Variants in TBC1D4 observed in about 807,000 individuals in gnomAD.
TBC1D4 encodes TBC (Tre-2, BUB2, CDC16) domain-containing protein.
A neutral mutation model predicts 142.5 loss-of-function variants in TBC1D4; 121 were observed. The ratio of observed to expected loss-of-function variants is 0.85; its 90% confidence interval spans 0.73 to 0.99. The LOEUF is 0.99. Ranked by LOEUF, TBC1D4 falls within the 50% of genes least tolerant of loss-of-function variation. The pLI, the probability that TBC1D4 is intolerant of heterozygous loss-of-function variation, is 0.00. For missense variants in TBC1D4, 1,475 were observed against 1,606.6 expected, an observed-to-expected ratio of 0.92 and a Z score of 1.40; for synonymous variants, 630 against 628.2, an observed-to-expected ratio of 1.00 and a Z score of -0.04.
rs558975376 is a variant in TBC1D4 at position 75,472,821 on chromosome 13, C to T, written c.498+8449G>A. Among the ~76,000 whole-genome samples the T allele has an allele frequency of 1.5e-4, 23 of 152,252 alleles. No individual in the cohort carries two copies. In the East Asian group the frequency reaches 4.4e-3, roughly 29 times the overall value. On this transcript the variant is annotated intron_variant, in intron 1 of 20. Coordinates refer to ENST00000377636, the MANE Select transcript of TBC1D4 (RefSeq NM_014832.5). Reference sequence around the variant, plus strand: ...TCCTAAAGAACTTGCTACTGGAAATCTGGGAGCAATAATTACCTGGAGAAT... The same window carrying T: ...TCCTAAAGAACTTGCTACTGGAAATTTGGGAGCAATAATTACCTGGAGAAT...
At chr13:75,465,964 T>C (rs998580662) in intron 1 of TBC1D4, among the ~76,000 whole-genome samples, 1 of 152,214 alleles carries the variant, frequency 6.6e-6, no homozygotes, top group African/African-American at 2.4e-5. Flanking sequence ...CTACATGTCC[T>C]GTTTTTCCAG....
chr13:75,430,322 A>C (rs1219383165), intron 1 of TBC1D4, among the ~76,000 whole-genome samples: 1 of 152,234 alleles, frequency 6.6e-6, no homozygotes, highest in East Asian at 1.9e-4. Context: ...TTTACTCTGA[A>C]AAATGAGTCA....
chr13:75,389,799 G>A (rs976914170), intron 1 of TBC1D4, among the ~76,000 whole-genome samples: 2 of 152,128 alleles, frequency 1.3e-5, no homozygotes, highest in Non-Finnish European at 2.9e-5. Flanking sequence ...GCATCAACAC[G>A]ATTGTGCTAG....
chr13:75,478,115 C>T (rs1042574766), intron 1 of TBC1D4, among the ~76,000 whole-genome samples: 13 of 152,206 alleles, frequency 8.5e-5, no homozygotes, highest in African/African-American at 2.7e-4. Context: ...GTACAGCACT[C>T]CCAGCTCTAA....
At chr13:75,356,294 T>C (rs922650655) in intron 3 of TBC1D4, 43 bp from the exon 4 acceptor site, 1 of 1,360,540 alleles carries the variant, frequency 7.4e-7, no homozygotes, top group Non-Finnish European at 1.0e-6. Flanking sequence ...TATGGGAATA[T>C]ATATTTTTTA....
chr13:75,358,171 A>G (rs1026981114), intron 3 of TBC1D4, among the ~76,000 whole-genome samples: 2 of 152,126 alleles, frequency 1.3e-5, no homozygotes, highest in Non-Finnish European at 2.9e-5. Context: ...AAGGCCCACC[A>G]TGTGTAAAGT....
intron 1 of TBC1D4, 29 bp downstream of exon 1, chr13:75,481,241 G>C: frequency 8.5e-7 from 1 of 1,175,080 alleles, no homozygotes. Flanking sequence ...GGCCGAGCCC[G>C]CCCCCGCGCC....
chr13:75,376,833 T>C (rs1212020049), intron 1 of TBC1D4, among the ~76,000 whole-genome samples: 2 of 152,222 alleles, frequency 1.3e-5, no homozygotes, highest in African/African-American at 4.8e-5. Context: ...AATTAATCAA[T>C]AACTATAATA....
chr13:75,402,361 T>G (rs1046719168), intron 1 of TBC1D4, among the ~76,000 whole-genome samples: 1 of 152,208 alleles, frequency 6.6e-6, no homozygotes, highest in Admixed American at 6.5e-5. Flanking sequence ...TTCATTCTTC[T>G]ATGCCGCAAC....
At chr13:75,446,742 T>C (rs1329674054) in intron 1 of TBC1D4, among the ~76,000 whole-genome samples, 1 of 152,230 alleles carries the variant, frequency 6.6e-6, no homozygotes, top group Non-Finnish European at 1.5e-5. Flanking sequence ...AATATGGCTT[T>C]TTCTGTAATA....
chr13:75,380,170 C>T (rs181636301), intron 1 of TBC1D4, among the ~76,000 whole-genome samples: 16 of 151,398 alleles, frequency 1.1e-4, no homozygotes, highest in South Asian at 4.2e-4. Flanking sequence ...TGAGCCACCG[C>T]GCCTAGCCTC....
chr13:75,288,827 G>C, intron 20 of TBC1D4, 107 bp downstream of exon 20: 1 of 1,180,600 alleles, frequency 8.5e-7, no homozygotes, highest in Non-Finnish European at 1.3e-6. Flanking sequence ...ATGGGCTCTT[G>C]GTTAGCAATG....
chr13:75,307,143 G>A (rs1032013317), intron 14 of TBC1D4, among the ~76,000 whole-genome samples: 21 of 151,968 alleles, frequency 1.4e-4, no homozygotes, highest in African/African-American at 4.8e-4. Flanking sequence ...AAACTTTTTT[G>A]TAAAGATGGG....
chr13:75,362,348 G>T lies in TBC1D4; in HGVS notation c.758C>A (p.Ala253Asp). The T allele has an allele frequency of 1.9e-6, 3 of 1,614,162 alleles. No individual in the cohort carries two copies. Among genetic ancestry groups the T allele is most frequent in the Non-Finnish European group, 2.5e-6 (3 of 1,180,032 alleles). Residue 253 changes from alanine to aspartate, a missense_variant, in exon 2 of 21, where the codon GCT becomes GAT. Coordinates refer to ENST00000377636, the MANE Select transcript of TBC1D4 (RefSeq NM_014832.5). The surrounding 1 kb of genome is among the most constrained non-coding windows in gnomAD (Gnocchi z 4.2). ...QRGPDPGEDL[A>D]DLEVVVPGSP... ...CCCGGGCACCACCACCTCCAAGTCA[G>T]CCAGGTCCTCTCCTGGGTCCGGACC... is the stretch of plus-strand genomic sequence containing the variant.
At chr13:75,316,994 C>G (rs149663056) in intron 12 of TBC1D4, among the ~76,000 whole-genome samples, 1 of 152,142 alleles carries the variant, frequency 6.6e-6, no homozygotes, top group Non-Finnish European at 1.5e-5. Flanking sequence ...AAACATTTTA[C>G]GAGTATGAAT....
chr13:75,377,754 CTATCTATCTATCCATT>C (rs1311916624), intron 1 of TBC1D4, among the ~76,000 whole-genome samples: 1 of 150,132 alleles, frequency 6.7e-6, no homozygotes, highest in African/African-American at 2.4e-5. Context: ...GTGTGTGCAT[CTATCTATCTATCCATT>C]TATCTATCTA....
chr13:75,373,197 C>T (rs900552552), intron 1 of TBC1D4, among the ~76,000 whole-genome samples: 25 of 152,248 alleles, frequency 1.6e-4, no homozygotes, highest in African/African-American at 5.8e-4. Context: ...AAACAAAAAA[C>T]GCCACACATT....
At chr13:75,291,132 T>C (rs898814193) in intron 19 of TBC1D4, among the ~76,000 whole-genome samples, 2 of 152,204 alleles carry the variant, frequency 1.3e-5, no homozygotes, top group Admixed American at 6.5e-5. Flanking sequence ...GCTTCTCAGA[T>C]CAATTCTCTG....
At chr13:75,421,855 T>C (rs78061381) in intron 1 of TBC1D4, among the ~76,000 whole-genome samples, 273 of 115,350 alleles carry the variant, frequency 2.4e-3, no homozygotes, top group African/African-American at 8.8e-3. Context: ...TAATCACTGA[T>C]ACTGAGATGA....
Sources: allele counts gnomAD v4.1 joint callset (sites outside exome capture counted in the v4.1 genomes callset), GRCh38; gene constraint gnomAD v4.1.1; non-coding constraint Gnocchi (gnomAD v3.1); transcripts MANE v1.5; gene names NCBI Gene and HGNC (gene_info 2026-07-23, HGNC 2026-07-21).